NEDD4: variants seen among roughly 807,000 people sequenced by gnomAD.
NEDD4 encodes the protein NEDD4 E3 ubiquitin protein ligase.
Under a neutral mutation model 144.9 loss-of-function variants are expected in NEDD4, and 99 were observed. The ratio of observed to expected loss-of-function variants is 0.68; its 90% CI spans 0.58 to 0.81. The LOEUF is 0.81. Ranked by LOEUF, NEDD4 falls within the 30% of genes least tolerant of loss-of-function variation. NEDD4 has a pLI of 0.00. For missense variants in NEDD4, 985 were observed against 1,065.9 expected, an observed-to-expected ratio of 0.92 and a Z score of 1.06; for synonymous variants, 318 against 350.6, an observed-to-expected ratio of 0.91 and a Z score of 1.04.
chr15:55,845,321 C>T (rs1438100528), intron 18 of NEDD4, among the ~76,000 whole-genome samples: 3 of 152,216 alleles, frequency 2.0e-5, no homozygotes, highest in East Asian at 3.9e-4. Context: ...TGGAGCTAGA[C>T]CACTTAGCTT....
chr15:55,890,795 T>A (rs2035547560), intron 5 of NEDD4, among the ~76,000 whole-genome samples: 1 of 152,214 alleles, frequency 6.6e-6, no homozygotes, highest in South Asian at 2.1e-4. Flanking sequence ...TCCTCCCCTT[T>A]CTTACCAACA....
At chr15:55,945,885 G>A (rs1374239471) in intron 4 of NEDD4, among the ~76,000 whole-genome samples, 1 of 152,112 alleles carries the variant, frequency 6.6e-6, no homozygotes, top group Non-Finnish European at 1.5e-5. Context: ...AATTTTGAAT[G>A]CAGAATTTCA....
At chr15:55,990,225 C>T (rs1358977102) in intron 1 of NEDD4, among the ~76,000 whole-genome samples, 3 of 152,036 alleles carry the variant, frequency 2.0e-5, no homozygotes, top group Non-Finnish European at 4.4e-5. Flanking sequence ...ATGTAATGTG[C>T]TTGAATCATC....
rs149901812 is a variant in NEDD4 at position 55,830,580 on chromosome 15, T to C, written c.2534A>G (p.Asn845Ser). 255 of 1,613,886 alleles carry C rather than the reference T, an allele frequency of 1.6e-4. No individual in the cohort carries two copies. The highest frequency in any genetic ancestry group is 1.9e-4 in the Non-Finnish European group (229 of 1,179,852). The change falls in exon 28 of 29, where the codon AAT (asparagine) becomes AGT (serine). Residue 845 changes from asparagine (N) to serine (S), a missense_variant. Coordinates refer to ENST00000435532, the MANE Select transcript of NEDD4 (RefSeq NM_006154.4). ...TTCAACTGTAAATGACTGTGGTCCA[T>C]TTGAACCTATAAGGAAGAATTTATT... is the stretch of plus-strand genomic sequence containing the variant. ...MNGFAELYGS[N>S]GPQSFTVEQW...
chr15:55,829,820 T>C lies in NEDD4; in HGVS notation c.*77A>G, dbSNP rs2032858008. On this transcript the variant is annotated 3_prime_UTR_variant, in exon 29 of 29. Coordinates refer to ENST00000435532, the MANE Select transcript of NEDD4 (RefSeq NM_006154.4). ...AGACTCAGTGGCCACATTTTAGTAG[T>C]TCCCCGGAAAATTTTAAGTCAAGAT... The C allele has an allele frequency of 2.8e-6, 3 of 1,072,974 alleles. No homozygotes were observed. The highest frequency in any genetic ancestry group is 4.1e-6 in the Non-Finnish European group (3 of 733,644). The allele number at this position is 1,072,974 out of a possible 1,614,324, so 66.5% of individuals were successfully genotyped here. A position where few individuals can be genotyped will look rare whatever the true frequency, so the allele number is the denominator to read the frequency against.
chr15:55,892,758 T>C (rs1428912638), intron 5 of NEDD4, among the ~76,000 whole-genome samples: 1 of 152,188 alleles, frequency 6.6e-6, no homozygotes, highest in East Asian at 1.9e-4. Flanking sequence ...GTTATGCAGC[T>C]TGCTTTCCCC....
At chr15:55,840,351 A>G in intron 21 of NEDD4, 96 bp downstream of exon 21, 1 of 1,019,844 alleles carries the variant, frequency 9.8e-7, no homozygotes, top group Non-Finnish European at 1.4e-6. Flanking sequence ...ACATGATAAT[A>G]TATTAATTTC....
At chr15:55,976,759 G>A (rs1337486043) in intron 1 of NEDD4, among the ~76,000 whole-genome samples, 6 of 151,392 alleles carry the variant, frequency 4.0e-5, no homozygotes, top group Non-Finnish European at 5.9e-5. Flanking sequence ...CTCCCTAAGA[G>A]CTGGGACTAC....
chr15:55,833,151 G>A lies in NEDD4; in HGVS notation c.2431-47C>T, dbSNP rs781256672. ...TTTAGGGAACAGCACTGGGAAAGAG[G>A]TAAACAAATTATCCTGAAACATAAG... On this transcript the variant is annotated intron_variant, in intron 26 of 28. Transcript: ENST00000435532. The A allele has an allele frequency of 1.2e-5, 14 of 1,177,860 alleles. No homozygotes were observed. The African/African-American group carries it at 2.1e-4, about 18-fold the overall frequency. The allele number at this position is 1,177,860 out of a possible 1,614,324, so 73.0% of individuals were successfully genotyped here. A position where few individuals can be genotyped will look rare whatever the true frequency, so the allele number is the denominator to read the frequency against.
intron 1 of NEDD4, among the ~76,000 whole-genome samples, chr15:55,979,423 G>A (rs1319337441): frequency 5.8e-5 from 8 of 138,442 alleles, no homozygotes; most frequent in African/African-American, 2.1e-4. Flanking sequence ...GCGCAATCTC[G>A]GCTCACTGCA....
chr15:55,953,590 C>T (rs1034228504), intron 2 of NEDD4, among the ~76,000 whole-genome samples: 9 of 150,770 alleles, frequency 6.0e-5, no homozygotes, highest in South Asian at 2.1e-4. Flanking sequence ...TATAGGCACA[C>T]GCCACCGCAC....
intron 2 of NEDD4, among the ~76,000 whole-genome samples, chr15:55,960,657 C>T (rs1471462123): frequency 6.7e-6 from 1 of 149,508 alleles, no homozygotes; most frequent in East Asian, 2.1e-4. Context: ...ACTAAATTCC[C>T]CTTCATATAT....
chr15:55,918,639 A>G (rs1461855394), intron 5 of NEDD4, among the ~76,000 whole-genome samples: 2 of 152,154 alleles, frequency 1.3e-5, no homozygotes, highest in Non-Finnish European at 2.9e-5. Flanking sequence ...TTTTCTAAAC[A>G]GATTTTTAAT....
intron 5 of NEDD4, among the ~76,000 whole-genome samples, chr15:55,892,996 T>C (rs2035621278): frequency 6.6e-6 from 1 of 152,142 alleles, no homozygotes; most frequent in Non-Finnish European, 1.5e-5. Flanking sequence ...TATTTATCAT[T>C]TTGCATATAT....
In NEDD4 at chr15:55,833,114, A is replaced by T. The variant is rs1190317280; in HGVS notation, c.2431-10T>A. The T allele has an allele frequency of 5.1e-6, 8 of 1,562,164 alleles. No homozygotes were observed. The South Asian group carries it at 7.8e-5, about 15-fold the overall frequency. ...CCATCATTAAAACAGCCTGAATAAG[A>T]TAAAAACATCATTTAGGGAACAGCA... is the stretch of plus-strand genomic sequence containing the variant. On this transcript the variant is annotated splice_polypyrimidine_tract_variant and intron_variant, in intron 26 of 28. Coordinates refer to ENST00000435532, the MANE Select transcript of NEDD4 (RefSeq NM_006154.4).
chr15:55,941,720 C>T (rs2037008478), intron 4 of NEDD4, among the ~76,000 whole-genome samples: 1 of 152,132 alleles, frequency 6.6e-6, no homozygotes. Flanking sequence ...CGCACCATCA[C>T]ACCCAGCTAC....
intron 11 of NEDD4, among the ~76,000 whole-genome samples, chr15:55,858,728 G>A (rs565150175): frequency 6.6e-6 from 1 of 152,300 alleles, no homozygotes; most frequent in Non-Finnish European, 1.5e-5. Context: ...GGATTTACTG[G>A]CAGATATTCA....
At chr15:55,904,203 T>C (rs1224387726) in intron 5 of NEDD4, among the ~76,000 whole-genome samples, 3 of 152,302 alleles carry the variant, frequency 2.0e-5, no homozygotes, top group East Asian at 1.9e-4. Context: ...AAAATCATAG[T>C]TGAGGCTTCA....
At chr15:55,861,575 G>A (rs2034409533) in intron 9 of NEDD4, among the ~76,000 whole-genome samples, 1 of 152,128 alleles carries the variant, frequency 6.6e-6, no homozygotes, top group Non-Finnish European at 1.5e-5. Flanking sequence ...ATAAAGGCTT[G>A]TGAGGATGGA....
Sources: allele counts gnomAD v4.1 joint callset (sites outside exome capture counted in the v4.1 genomes callset), GRCh38; gene constraint gnomAD v4.1.1; transcripts MANE v1.5; gene names NCBI Gene and HGNC (gene_info 2026-07-23, HGNC 2026-07-21).